The following ESYT2 variants were observed in gnomAD, a reference collection of about 807,000 sequenced individuals.
ESYT2 encodes extended synaptotagmin 2, also known as extended synaptotagmin-2.
Under a neutral mutation model 107.2 loss-of-function variants are expected in ESYT2, and 54 were observed. The observed-to-expected ratio is 0.50, with a 90% CI of 0.40 to 0.63. The LOEUF is 0.63. Among genes scored for constraint, ESYT2 ranks in the 30% least tolerant of loss-of-function variants. ESYT2 has a pLI of 0.00. For missense variants in ESYT2, 1,020 were observed against 1,094.5 expected (o/e 0.93, Z 0.96); for synonymous variants, 491 against 434.1 (o/e 1.13, Z -1.63).
At chr7:158,757,875 A>C (rs1837823314) in intron 13 of ESYT2, among the ~76,000 whole-genome samples, 1 of 152,098 alleles carries the variant, frequency 6.6e-6, no homozygotes, top group South Asian at 2.1e-4. Context: ...CACTGATACT[A>C]TTCTCTCTAC....
Position 158,794,452 on chromosome 7 carries a change from C to T in ESYT2, c.508-726G>A, listed in dbSNP as rs184952987. 4.5e-4 allele frequency among the ~76,000 whole-genome samples: 68 copies of T among 152,330 alleles called. 1 individual carries two copies. The highest frequency in any genetic ancestry group is 3.5e-3 in the Admixed American group (53 of 15,308). On this transcript the variant is annotated intron_variant, in intron 3 of 22. Coordinates refer to ENST00000275418, the MANE Select transcript of ESYT2 (RefSeq NM_001367773.1). ...GAGGCTGCAGTGAGCTATGATTGTG[C>T]CACTGCACTCCTGACTAGGCAACAG...
Position 158,731,930 on chromosome 7 carries a change from C to G in ESYT2, c.*2277G>C, listed in dbSNP as rs539680050. The stretch of plus-strand genomic sequence containing the variant: ...CACTTCAGTGCCTCAGAATCACCCC[C>G]TTTTTTTAAAAGAGAATGGAGGCAG... On this transcript the variant is annotated 3_prime_UTR_variant, in exon 23 of 23. Transcript: ENST00000275418. 6.6e-6 allele frequency: 1 copy of G among 152,360 alleles called. No individual in the cohort carries two copies. The allele number at this position is 152,360 out of a possible 1,614,324, so 9.4% of individuals were successfully genotyped here.
intron 8 of ESYT2, among the ~76,000 whole-genome samples, chr7:158,766,935 A>G (rs1382977460): frequency 6.6e-6 from 1 of 152,190 alleles, no homozygotes; most frequent in African/African-American, 2.4e-5. Flanking sequence ...CATAGTCAGC[A>G]GAAGGAATCT....
At chr7:158,734,537 C>T (rs1836850828) in intron 21 of ESYT2, 66 bp from the exon 22 acceptor site, 2 of 1,486,902 alleles carry the variant, frequency 1.3e-6, no homozygotes, top group Admixed American at 1.9e-5. Context: ...GTCTGTAATC[C>T]CAGCACTTTG....
rs1840555879 is a variant in ESYT2 at position 158,829,194 on chromosome 7, G to A, written c.225C>T (p.Arg75=). 2.0e-6 allele frequency: 3 copies of A among 1,534,446 alleles called. No homozygotes were observed. The highest frequency in any genetic ancestry group is 2.6e-6 in the Non-Finnish European group (3 of 1,148,512). ...GGCGCAGGGCCTTGAGGCCGCGGCTGCGGCGACACCAGGCGAGCAGCGCGA... is the reference window on the plus strand; with the variant it reads ...GGCGCAGGGCCTTGAGGCCGCGGCTACGGCGACACCAGGCGAGCAGCGCGA... ...LALALLAWCR[R]SRGLKALRLC... The change falls in exon 1 of 23, where the codon CGC becomes CGT. Residue 75 remains arginine, a synonymous_variant. Transcript: ENST00000275418.
At chr7:158,819,502 A>G (rs1329034204) in intron 1 of ESYT2, among the ~76,000 whole-genome samples, 1 of 152,232 alleles carries the variant, frequency 6.6e-6, no homozygotes, top group Admixed American at 6.5e-5. Context: ...TCAAAGTCAT[A>G]TTTCTGAAGA....
At chr7:158,735,692 A>G in intron 20 of ESYT2, 84 bp from the exon 21 acceptor site, 1 of 1,094,716 alleles carries the variant, frequency 9.1e-7, no homozygotes, top group Non-Finnish European at 1.4e-6. Flanking sequence ...TGCTCATGAG[A>G]TCATTCCAAA....
rs1287652240 is a variant in ESYT2, at chr7:158,732,341, A to G, written c.*1866T>C. ...GTTACCTGTCTTCCATAAATACCAT[A>G]GTTAAATGTTTTGTGTGCATACATG... On this transcript the variant is annotated 3_prime_UTR_variant, in exon 23 of 23. Coordinates refer to ENST00000275418, the MANE Select transcript of ESYT2 (RefSeq NM_001367773.1). 6.6e-6 allele frequency: 1 copy of G among 152,220 alleles called. No homozygotes were observed. Among genetic ancestry groups the G allele is most frequent in the South Asian group, 2.1e-4 (1 of 4,834 alleles). The allele number at this position is 152,220 out of a possible 1,614,324, so 9.4% of individuals were successfully genotyped here.
At chr7:158,763,213 C>A (rs1838034214) in intron 9 of ESYT2, 48 bp from the exon 10 acceptor site, 5 of 1,360,166 alleles carry the variant, frequency 3.7e-6, no homozygotes, top group South Asian at 1.2e-5. Context: ...CTAATATAGT[C>A]ATACACTGAG....
chr7:158,809,272 T>C (rs1306120754), intron 1 of ESYT2, among the ~76,000 whole-genome samples: 1 of 151,366 alleles, frequency 6.6e-6, no homozygotes, highest in Non-Finnish European at 1.5e-5. Flanking sequence ...CGTCAAGAGA[T>C]CAAGACCATC....
chr7:158,777,477 A>G (rs886996789), intron 6 of ESYT2, among the ~76,000 whole-genome samples: 1 of 152,056 alleles, frequency 6.6e-6, no homozygotes, highest in African/African-American at 2.4e-5. Context: ...CACTATTCTC[A>G]TGATAGTGAG....
chr7:158,824,582 G>A (rs923043521), intron 1 of ESYT2, among the ~76,000 whole-genome samples: 4 of 152,144 alleles, frequency 2.6e-5, no homozygotes, highest in Non-Finnish European at 4.4e-5. Context: ...GAGAAAGTTT[G>A]TATACAAAAG....
rs185485291 is a variant in ESYT2 at position 158,787,680 on chromosome 7, T to G, written c.747+324A>C. ...ACAATGTTAACATTTAGCTTTAGAG[T>G]CATGAGGATTAAATGAGCAAATATC... is the stretch of plus-strand genomic sequence containing the variant. On this transcript the variant is annotated intron_variant, in intron 6 of 22. Transcript: ENST00000275418. 2.5e-3 allele frequency among the ~76,000 whole-genome samples: 383 copies of G among 152,244 alleles called. 4 individuals are homozygous for G. The highest frequency in any genetic ancestry group is 6.3e-4 in the Non-Finnish European group (43 of 68,026).
chr7:158,791,154 G>A (rs1203888402), intron 4 of ESYT2, among the ~76,000 whole-genome samples: 2 of 152,130 alleles, frequency 1.3e-5, no homozygotes, highest in African/African-American at 4.8e-5. Context: ...TTCTGTCTAT[G>A]AGTTTGACTC....
rs1839521578 is a variant in ESYT2, at chr7:158,798,024, C to T, written c.425G>A (p.Arg142Gln). 6.2e-6 allele frequency: 10 copies of T among 1,614,060 alleles called. No homozygotes were observed. The highest frequency in any genetic ancestry group is 1.6e-4 in the Middle Eastern group (1 of 6,062). ...FICQFIEKLF[R>Q]ETIEPAVRGA... Reference sequence around the variant, plus strand: ...CCGCACGGCTGGTTCTATAGTTTCTCGAAACAACTTCTCTATAAATTGGCA... The same window carrying T: ...CCGCACGGCTGGTTCTATAGTTTCTTGAAACAACTTCTCTATAAATTGGCA... The change falls in exon 3 of 23, where the codon CGA becomes CAA. Residue 142 changes from arginine to glutamine, a missense_variant. Arg to Gln is a conservative substitution (Grantham distance 43). Coordinates refer to ENST00000275418, the MANE Select transcript of ESYT2 (RefSeq NM_001367773.1).
At chr7:158,755,568 T>C (rs757200620) in intron 13 of ESYT2, among the ~76,000 whole-genome samples, 2 of 152,186 alleles carry the variant, frequency 1.3e-5, no homozygotes, top group African/African-American at 4.8e-5. Context: ...TAGTCTATGA[T>C]GAAATTTTCT....
At position 158,791,752 on chromosome 7, in the gene ESYT2, A is replaced by G. The variant is rs78886803; in HGVS notation, c.584+1898T>C. On this transcript the variant is annotated intron_variant, in intron 4 of 22. Transcript: ENST00000275418. ...AAATGTCTGTTCAAGTTCTTTCCAC[A>G]TTTTTGAATAGGGCTGTTTGGTTGT... is the stretch of plus-strand genomic sequence containing the variant. Among the ~76,000 whole-genome samples, 1,020 of 152,248 alleles carry G rather than the reference A, an allele frequency of 6.7e-3. 8 individuals are homozygous for G. Among genetic ancestry groups the G allele is most frequent in the Non-Finnish European group, 9.9e-3 (676 of 68,008 alleles).
intron 3 of ESYT2, among the ~76,000 whole-genome samples, chr7:158,794,588 T>C (rs1467029247): frequency 1.3e-5 from 2 of 152,096 alleles, no homozygotes; most frequent in Non-Finnish European, 2.9e-5. Context: ...CCTAAGAGTT[T>C]GAGACCAGCC....
chr7:158,761,554 T>C lies in ESYT2; in HGVS notation c.1185-10A>G. On this transcript the variant is annotated splice_polypyrimidine_tract_variant and intron_variant, in intron 10 of 22. Coordinates refer to ENST00000275418, the MANE Select transcript of ESYT2 (RefSeq NM_001367773.1). Reference sequence around the variant, plus strand: ...GAGGTCAATCATAAGACTATAAAAATAACAATACGACAACTTTAGAACATA... The same window carrying C: ...GAGGTCAATCATAAGACTATAAAAACAACAATACGACAACTTTAGAACATA... The C allele has an allele frequency of 2.5e-6, 4 of 1,611,814 alleles. No homozygotes were observed. Among genetic ancestry groups the C allele is most frequent in the African/African-American group, 1.3e-5 (1 of 74,974 alleles).
Sources: allele counts gnomAD v4.1 joint callset (sites outside exome capture counted in the v4.1 genomes callset), GRCh38; gene constraint gnomAD v4.1.1; transcripts MANE v1.5; gene names NCBI Gene and HGNC (gene_info 2026-07-23, HGNC 2026-07-21).